DDB1: variants seen among roughly 807,000 people sequenced by gnomAD.
The protein encoded by DDB1 is DNA damage-binding protein 1.
Under a neutral mutation model 133.1 loss-of-function variants are expected in DDB1, and 18 were observed. That is an observed-to-expected ratio of 0.14 (90% CI 0.09 to 0.20). The LOEUF is 0.20. Among genes scored for constraint, DDB1 ranks in the 10% least tolerant of loss-of-function variants. The pLI is 1.00. For synonymous variants in DDB1, 580 were observed against 550.5 expected (o/e 1.05, Z -0.75); for missense variants, 828 against 1,459.2 (o/e 0.57, Z 7.05).
At chr11:61,304,081 T>C in intron 21 of DDB1, 46 bp from the exon 22 acceptor site, 1 of 1,604,804 alleles carries the variant, frequency 6.2e-7, no homozygotes, top group African/African-American at 1.3e-5. Context: ...CAGAGCTCTC[T>C]CAGAATGACT....
At chr11:61,331,363 C>T (rs929221932) in intron 2 of DDB1, among the ~76,000 whole-genome samples, 180 bp downstream of exon 2, 1 of 152,134 alleles carries the variant, frequency 6.6e-6, no homozygotes. Context: ...TACAATACCC[C>T]AGCTACTCTA....
At chr11:61,331,910 A>T (rs1403257149) in intron 1 of DDB1, 1 of 539,230 alleles carries the variant, frequency 1.9e-6, no homozygotes, top group Non-Finnish European at 3.3e-6. Flanking sequence ...GACTAAGAAA[A>T]CTGGACTGGA....
intron 5 of DDB1, chr11:61,326,102 T>C: frequency 3.5e-6 from 1 of 286,942 alleles, no homozygotes; most frequent in Non-Finnish European, 6.7e-6. Flanking sequence ...GGGCTACCAC[T>C]GAGAAGAGCC....
At chr11:61,313,040 T>C (rs1856004359) in intron 16 of DDB1, among the ~76,000 whole-genome samples, 1 of 152,200 alleles carries the variant, frequency 6.6e-6, no homozygotes, top group African/African-American at 2.4e-5. Flanking sequence ...CTCAAACTCC[T>C]GACTTCAAAT....
intron 18 of DDB1, 44 bp from the exon 19 acceptor site, chr11:61,310,462 G>A (rs1475288241): frequency 1.3e-6 from 2 of 1,551,594 alleles, no homozygotes; most frequent in Admixed American, 2.0e-5. Context: ...AAACACAGAA[G>A]AAGTGCTGAG....
chr11:61,323,685 A>T (rs1856222892), intron 7 of DDB1: 1 of 345,682 alleles, frequency 2.9e-6, no homozygotes, highest in Non-Finnish European at 5.5e-6. Flanking sequence ...AAGTGCTGGG[A>T]TCACAGGTGT....
At position 61,299,999 on chromosome 11, in the gene DDB1, T is replaced by C; in HGVS notation, c.*137A>G. 2.6e-6 allele frequency: 2 copies of C among 767,826 alleles called. No individual in the cohort carries two copies. The highest frequency in any genetic ancestry group is 1.6e-5 in the South Asian group (1 of 64,374). 47.6% of individuals were successfully genotyped at this position (767,826 alleles called of 1,614,324 possible). ...CTATGAAGCCCGCCCCACTTCCACA[T>C]AGGGGAACTGTGGCTCTGGGGGCAG... On this transcript the variant is annotated 3_prime_UTR_variant, in exon 27 of 27. Coordinates refer to ENST00000301764, the MANE Select transcript of DDB1 (RefSeq NM_001923.5).
chr11:61,302,224 T>C, intron 25 of DDB1, 33 bp downstream of exon 25: 3 of 1,581,832 alleles, frequency 1.9e-6, no homozygotes, highest in Non-Finnish European at 2.6e-6. Flanking sequence ...CGGGATGTGC[T>C]TCCCAGCAAG....
chr11:61,323,169 A>G (rs1383363369), intron 7 of DDB1, 75 bp from the exon 8 acceptor site: 7 of 1,205,816 alleles, frequency 5.8e-6, no homozygotes, highest in Non-Finnish European at 7.3e-6. Flanking sequence ...CACATCTCAG[A>G]CATCTGCTGA....
At chr11:61,304,741 G>T (rs1855857365) in intron 21 of DDB1, among the ~76,000 whole-genome samples, 1 of 151,864 alleles carries the variant, frequency 6.6e-6, no homozygotes, top group Non-Finnish European at 1.5e-5. Context: ...AGCCAAGCGT[G>T]GTGGCGGGCA....
chr11:61,308,765 C>T (rs1235517261), intron 21 of DDB1, among the ~76,000 whole-genome samples: 1 of 152,210 alleles, frequency 6.6e-6, no homozygotes, highest in East Asian at 1.9e-4. Flanking sequence ...TCCCACAGCA[C>T]TCAGGATCTG....
Position 61,309,081 on chromosome 11 carries a change from G to A in DDB1, c.2567-4C>T. The A allele has an allele frequency of 1.9e-6, 3 of 1,613,820 alleles. No homozygotes were observed. The South Asian group carries it at 3.3e-5, about 18-fold the overall frequency. On this transcript the variant is annotated splice_region_variant and splice_polypyrimidine_tract_variant and intron_variant, in intron 20 of 26. Coordinates refer to ENST00000301764, the MANE Select transcript of DDB1 (RefSeq NM_001923.5). ...TCAGCCACAGTCTGTAGTTTTCCTG[G>A]GGGTGGAAAAAATATGTTTGAGTCT...
At chr11:61,326,938 C>G (rs778335773) in intron 4 of DDB1, 45 bp from the exon 5 acceptor site, 2 of 1,461,646 alleles carry the variant, frequency 1.4e-6, no homozygotes, top group Admixed American at 3.4e-5. Context: ...AAGGGTGAGC[C>G]TTGGGCTAGA....
chr11:61,329,212 G>A lies in DDB1; in HGVS notation c.549+151C>T, dbSNP rs1020410196. The A allele has an allele frequency of 5.6e-6, 4 of 711,002 alleles. No individual in the cohort carries two copies. In the African/African-American group the frequency reaches 7.0e-5, roughly 12 times the overall value. The allele number at this position is 711,002 out of a possible 1,614,324, so 44.0% of individuals were successfully genotyped here. A position where few individuals can be genotyped will look rare whatever the true frequency, so the allele number is the denominator to read the frequency against. ...TGCACTCAAGAAGCAACGAAAGTCT[G>A]ACCCATATTAATTGTGTTGTTCAAA... On this transcript the variant is annotated intron_variant, in intron 4 of 26. Coordinates refer to ENST00000301764, the MANE Select transcript of DDB1 (RefSeq NM_001923.5).
At chr11:61,320,979 GC>G (rs1394216796) in intron 10 of DDB1, among the ~76,000 whole-genome samples, 2 of 151,762 alleles carry the variant, frequency 1.3e-5, no homozygotes, top group African/African-American at 4.8e-5. Context: ...AACCTCCTGG[GC>G]TCAAGTGATC....
intron 12 of DDB1, chr11:61,315,182 C>G (rs996846484): frequency 2.0e-5 from 3 of 152,144 alleles, no homozygotes; most frequent in Non-Finnish European, 4.4e-5. Flanking sequence ...TCTAAAATAT[C>G]TAAGTTCTTT....
intron 12 of DDB1, chr11:61,315,778 T>C (rs1856052878): frequency 6.5e-6 from 1 of 152,960 alleles, no homozygotes. Context: ...TGCCCCCGTA[T>C]TGCAGATAGA....
rs941991263 is a variant in DDB1, at chr11:61,325,463, C to T, written c.762+148G>A. The T allele has an allele frequency of 1.2e-5, 8 of 641,910 alleles. No homozygotes were observed. In the African/African-American group the frequency reaches 1.3e-4, roughly 10 times the overall value. 39.8% of individuals were successfully genotyped at this position (641,910 alleles called of 1,614,324 possible). A position where few individuals can be genotyped will look rare whatever the true frequency, so the allele number is the denominator to read the frequency against. ...ATCCAGGCTAATCTCTCTCTGTATTCCCAATGGCCAACGCAATACCTTATA... is the reference window on the plus strand; with the variant it reads ...ATCCAGGCTAATCTCTCTCTGTATTTCCAATGGCCAACGCAATACCTTATA... On this transcript the variant is annotated intron_variant, in intron 6 of 26. Coordinates refer to ENST00000301764, the MANE Select transcript of DDB1 (RefSeq NM_001923.5).
At chr11:61,303,700 CAA>C (rs59840297) in intron 22 of DDB1, among the ~76,000 whole-genome samples, 163 bp downstream of exon 22, 6 of 44,244 alleles carry the variant, frequency 1.4e-4, no homozygotes, top group South Asian at 7.1e-4. Flanking sequence ...GACTGCGTCT[CAA>C]AAAAAAAAAA....
Sources: gnomAD v4.1 joint callset for allele counts (sites outside exome capture counted in the v4.1 genomes callset) on GRCh38, gnomAD v4.1.1 for gene constraint, MANE v1.5 for transcripts, NCBI Gene and HGNC (gene_info 2026-07-23, HGNC 2026-07-21) for gene names.